Variants in CSMD1 observed in about 807,000 individuals in gnomAD.
CSMD1 encodes CUB and Sushi multiple domains 1.
In CSMD1, 213 loss-of-function variants were observed where a neutral mutation model predicts 417.5. The observed-to-expected ratio is 0.51, with a 90% CI of 0.46 to 0.57. The LOEUF (loss-of-function observed/expected upper bound fraction) is 0.57. Among genes scored for constraint, CSMD1 ranks in the 20% least tolerant of loss-of-function variants. The pLI is 0.00. For missense variants in CSMD1, 6,923 were observed against 4,529.7 expected (o/e 1.53, Z -15.17); for synonymous variants, 2,862 against 1,736.8 (o/e 1.65, Z -16.11).
At chr8:3,614,283 G>C (rs1802031496) in intron 8 of CSMD1, among the ~76,000 whole-genome samples, 1 of 152,040 alleles carries the variant, frequency 6.6e-6, no homozygotes, top group African/African-American at 2.4e-5. Context: ...AGATTCTACA[G>C]AAACCTTATC....
chr8:4,008,256 T>C (rs954841202), intron 4 of CSMD1, among the ~76,000 whole-genome samples: 4 of 152,130 alleles, frequency 2.6e-5, no homozygotes, highest in African/African-American at 9.7e-5. Flanking sequence ...ACATATAAAA[T>C]ATGAAATGTA....
At chr8:3,022,420 G>A (rs113253232) in intron 51 of CSMD1, among the ~76,000 whole-genome samples, 1,714 of 151,960 alleles carry the variant, frequency 0.011, 34 homozygotes, top group African/African-American at 0.039. Flanking sequence ...ATCCCACATC[G>A]ACAGCGTGTT....
chr8:4,245,402 T>A (rs1412231370), intron 3 of CSMD1, among the ~76,000 whole-genome samples: 1 of 152,088 alleles, frequency 6.6e-6, no homozygotes, highest in Non-Finnish European at 1.5e-5. Flanking sequence ...TGATCCACAC[T>A]CTGATGATGC....
intron 5 of CSMD1, among the ~76,000 whole-genome samples, chr8:3,881,951 C>G (rs183889834): frequency 2.0e-5 from 3 of 152,206 alleles, no homozygotes. Flanking sequence ...GATTACAGAT[C>G]TGAACTTGAA....
chr8:4,274,648 C>T (rs1312423282), intron 3 of CSMD1, among the ~76,000 whole-genome samples: 1 of 151,970 alleles, frequency 6.6e-6, no homozygotes, highest in Non-Finnish European at 1.5e-5. Context: ...CTATAGGTCT[C>T]CATTAAATTT....
intron 10 of CSMD1, among the ~76,000 whole-genome samples, chr8:3,556,359 T>C (rs1450282706): frequency 7.4e-6 from 1 of 134,446 alleles, no homozygotes; most frequent in Non-Finnish European, 1.6e-5. Context: ...ATTAGCTATC[T>C]ACCCACAAAG....
At chr8:4,680,533 C>T (rs1038414157) in intron 1 of CSMD1, among the ~76,000 whole-genome samples, 1 of 152,114 alleles carries the variant, frequency 6.6e-6, no homozygotes, top group Non-Finnish European at 1.5e-5. Flanking sequence ...GAAATTGGAA[C>T]TGCTGATGGT....
chr8:4,637,159 T>C (rs548989033), intron 2 of CSMD1, among the ~76,000 whole-genome samples, 183 bp downstream of exon 2: 9 of 152,208 alleles, frequency 5.9e-5, no homozygotes, highest in Admixed American at 2.0e-4. Flanking sequence ...TTCCCTGCCA[T>C]CTTTAAGAGC....
At chr8:3,705,746 C>G (rs1166429493) in intron 7 of CSMD1, among the ~76,000 whole-genome samples, 2 of 152,156 alleles carry the variant, frequency 1.3e-5, no homozygotes, top group Non-Finnish European at 2.9e-5. Context: ...GGTTTGTGTG[C>G]TTGGATCTAA....
intron 4 of CSMD1, among the ~76,000 whole-genome samples, chr8:4,005,059 T>A (rs1034443345): frequency 6.6e-6 from 1 of 152,174 alleles, no homozygotes; most frequent in African/African-American, 2.4e-5. Flanking sequence ...ACATCCTATG[T>A]TCTCACTGAT....
At chr8:4,093,967 T>C (rs533481789) in intron 3 of CSMD1, among the ~76,000 whole-genome samples, 3 of 103,696 alleles carry the variant, frequency 2.9e-5, no homozygotes, top group East Asian at 9.6e-4. Context: ...ACATCTCAAA[T>C]AGATAGATAG....
chr8:3,542,605 C>T (rs1266479296), intron 10 of CSMD1, among the ~76,000 whole-genome samples: 1 of 152,112 alleles, frequency 6.6e-6, no homozygotes, highest in African/African-American at 2.4e-5. Context: ...GCCTGGCCTC[C>T]TTGAATTCTA....
At chr8:3,536,000 C>T (rs970674144) in intron 10 of CSMD1, among the ~76,000 whole-genome samples, 2 of 152,174 alleles carry the variant, frequency 1.3e-5, no homozygotes, top group Admixed American at 1.3e-4. Flanking sequence ...CTCCCAGCAA[C>T]TTGAAACAAA....
intron 3 of CSMD1, among the ~76,000 whole-genome samples, chr8:4,306,176 G>T (rs1798233877): frequency 6.6e-6 from 1 of 152,178 alleles, no homozygotes. Context: ...AAAACACGCT[G>T]AAGTTGTCTG....
At chr8:3,596,213 C>A (rs1028158853) in intron 8 of CSMD1, among the ~76,000 whole-genome samples, 1 of 152,104 alleles carries the variant, frequency 6.6e-6, no homozygotes. Context: ...ACCACCGCCC[C>A]GGCAGCCTGC....
intron 3 of CSMD1, among the ~76,000 whole-genome samples, chr8:4,303,379 A>T (rs1231565740): frequency 6.6e-6 from 1 of 150,772 alleles, no homozygotes; most frequent in Non-Finnish European, 1.5e-5. Context: ...ATAATTTATT[A>T]ATTTTTTATT....
At chr8:4,209,455 T>C (rs1030796976) in intron 3 of CSMD1, among the ~76,000 whole-genome samples, 7 of 152,144 alleles carry the variant, frequency 4.6e-5, no homozygotes, top group African/African-American at 9.7e-5. Context: ...AGTGAGGACA[T>C]TGTCACATCT....
At chr8:3,440,503 T>A (rs113004933) in intron 12 of CSMD1, among the ~76,000 whole-genome samples, 2,249 of 152,328 alleles carry the variant, frequency 0.015, 57 homozygotes, top group African/African-American at 0.05. Flanking sequence ...TCCTGTATCC[T>A]GTGAAGTCAC....
chr8:4,134,227 C>G (rs192476207), intron 3 of CSMD1, among the ~76,000 whole-genome samples: 2 of 152,238 alleles, frequency 1.3e-5, no homozygotes, highest in Non-Finnish European at 2.9e-5. Context: ...AATTGTGTCT[C>G]CCCAGAGTTC....
Sources: gnomAD v4.1 joint callset for allele counts (sites outside exome capture counted in the v4.1 genomes callset) on GRCh38, gnomAD v4.1.1 for gene constraint, MANE v1.5 for transcripts, NCBI Gene and HGNC (gene_info 2026-07-23, HGNC 2026-07-21) for gene names.